PPFIA2: variants seen among roughly 807,000 people sequenced by gnomAD.
PPFIA2 encodes PPFI scaffold protein A2.
A neutral mutation model predicts 175.5 loss-of-function variants in PPFIA2; 46 were observed. The observed-to-expected ratio is 0.26, with a 90% confidence interval of 0.21 to 0.34. The LOEUF is 0.34. Among genes scored for constraint, PPFIA2 ranks in the 10% least tolerant of loss-of-function variants. The probability of loss-of-function intolerance (pLI) is 1.00; values close to 1 mark genes in which losing one functional copy is unlikely to be tolerated. For missense variants in PPFIA2, 1,179 were observed against 1,506.1 expected, an observed-to-expected ratio of 0.78 and a Z score of 3.60; for synonymous variants, 568 against 511.4, an observed-to-expected ratio of 1.11 and a Z score of -1.49.
chr12:81,702,077 T>A (rs942536514), intron 3 of PPFIA2, among the ~76,000 whole-genome samples: 1 of 152,160 alleles, frequency 6.6e-6, no homozygotes, highest in Non-Finnish European at 1.5e-5. Context: ...CACTTGCTCC[T>A]AGCAGCTGGC....
At chr12:81,344,632 A>C (rs771844258) in intron 19 of PPFIA2, 32 bp downstream of exon 19, 1 of 1,478,942 alleles carries the variant, frequency 6.8e-7, no homozygotes, top group Non-Finnish European at 9.2e-7. Context: ...ACAGTATTCA[A>C]TTCGTAATGA....
At chr12:81,751,749 A>G (rs1286779897) in intron 3 of PPFIA2, among the ~76,000 whole-genome samples, 1 of 152,162 alleles carries the variant, frequency 6.6e-6, no homozygotes, top group Non-Finnish European at 1.5e-5. Context: ...GATACTCCAT[A>G]CAATTGAATA....
At chr12:81,405,674 A>C (rs1367383917) in intron 8 of PPFIA2, 113 bp downstream of exon 8, 10 of 626,992 alleles carry the variant, frequency 1.6e-5, no homozygotes, top group Non-Finnish European at 2.5e-5. Flanking sequence ...TGAACCTTTG[A>C]CCAAAGAATC....
At chr12:81,344,831 A>G in intron 18 of PPFIA2, 138 bp from the exon 19 acceptor site, 1 of 631,964 alleles carries the variant, frequency 1.6e-6, no homozygotes, top group Non-Finnish European at 2.7e-6. Flanking sequence ...AAATAAACAT[A>G]TTTTAATTAC....
At chr12:81,344,179 C>T (rs532516104) in intron 19 of PPFIA2, among the ~76,000 whole-genome samples, 16 of 152,128 alleles carry the variant, frequency 1.1e-4, no homozygotes, top group African/African-American at 2.9e-4. Flanking sequence ...TCCTGACTGA[C>T]GCTGGTGCTG....
chr12:81,624,871 TAC>T (rs2062509820), intron 4 of PPFIA2, among the ~76,000 whole-genome samples: 1 of 151,172 alleles, frequency 6.6e-6, no homozygotes, highest in Admixed American at 6.6e-5. Context: ...ACACATTAGG[TAC>T]AGTGTACACT....
At chr12:81,355,610 C>T (rs534345830) in intron 16 of PPFIA2, among the ~76,000 whole-genome samples, 22 of 152,308 alleles carry the variant, frequency 1.4e-4, no homozygotes, top group Non-Finnish European at 3.2e-4. Flanking sequence ...CATGAATTAT[C>T]GTAGCTAGAT....
intron 4 of PPFIA2, among the ~76,000 whole-genome samples, chr12:81,503,199 C>T (rs191722985): frequency 6.4e-4 from 98 of 152,218 alleles, no homozygotes; most frequent in African/African-American, 2.2e-3. Context: ...GTGGTAACAA[C>T]CTTCTAACTG....
rs1309262763 is a variant in PPFIA2 at position 81,591,462 on chromosome 12, T to C, written c.303+85329A>G. On this transcript the variant is annotated intron_variant, in intron 4 of 32. Transcript: ENST00000549396. The stretch of plus-strand genomic sequence containing the variant: ...TGAATGTTAATCCCCAAGACAATAG[T>C]GAAAATGTCTCCAGGGCATGTCAGA... 2.0e-5 allele frequency among the ~76,000 whole-genome samples: 3 copies of C among 152,238 alleles called. No individual in the cohort carries two copies. In the East Asian group the frequency reaches 5.8e-4, roughly 29 times the overall value.
At chr12:81,550,841 A>G (rs2067799930) in intron 4 of PPFIA2, among the ~76,000 whole-genome samples, 1 of 151,866 alleles carries the variant, frequency 6.6e-6, no homozygotes, top group African/African-American at 2.4e-5. Flanking sequence ...TCTATATTTA[A>G]TGGCTAAAAA....
chr12:81,514,311 C>T (rs2147881315), intron 4 of PPFIA2, among the ~76,000 whole-genome samples: 1 of 151,908 alleles, frequency 6.6e-6, no homozygotes, highest in South Asian at 2.1e-4. Flanking sequence ...TTCTTTTATT[C>T]TAAAAGAAAA....
intron 4 of PPFIA2, among the ~76,000 whole-genome samples, chr12:81,564,910 G>A (rs1367071870): frequency 2.0e-5 from 3 of 152,120 alleles, no homozygotes; most frequent in South Asian, 4.1e-4. Context: ...ACAGACACAA[G>A]CTCTTATCAT....
intron 4 of PPFIA2, among the ~76,000 whole-genome samples, chr12:81,588,842 G>A (rs1481619830): frequency 1.3e-5 from 2 of 151,798 alleles, no homozygotes; most frequent in African/African-American, 4.8e-5. Flanking sequence ...CTAACCACCT[G>A]GACTGTACTC....
chr12:81,607,415 T>C (rs2060445592), intron 4 of PPFIA2, among the ~76,000 whole-genome samples: 1 of 152,148 alleles, frequency 6.6e-6, no homozygotes, highest in African/African-American at 2.4e-5. Context: ...ATGATATTGG[T>C]CCTACAATCC....
rs1011646096 is a variant in PPFIA2, at chr12:81,750,417, G to A, written c.249+3556C>T. On this transcript the variant is annotated intron_variant, in intron 3 of 32. Transcript: ENST00000549396. ...CCCACTGAGGACTGAATTTAGAGAA[G>A]GAAGAAAGCACCAACTATAAGGACC... 2.9e-4 allele frequency among the ~76,000 whole-genome samples: 41 copies of A among 142,970 alleles called. 4 individuals are homozygous for A. Among genetic ancestry groups the A allele is most frequent in the Non-Finnish European group, 6.3e-4 (40 of 63,868 alleles). The allele number at this position is 142,970 out of a possible 152,430, so 93.8% of individuals were successfully genotyped here.
intron 7 of PPFIA2, among the ~76,000 whole-genome samples, chr12:81,413,856 C>T (rs1167689028): frequency 6.6e-6 from 1 of 151,670 alleles, no homozygotes. Context: ...ATTTAGTATT[C>T]ACTTCATTTT....
intron 24 of PPFIA2, among the ~76,000 whole-genome samples, chr12:81,287,184 G>T (rs955930145): frequency 6.6e-6 from 1 of 151,770 alleles, no homozygotes; most frequent in Non-Finnish European, 1.5e-5. Flanking sequence ...ATCTTAAATG[G>T]CTTAAGCTTG....
intron 6 of PPFIA2, among the ~76,000 whole-genome samples, chr12:81,442,004 AGGT>A (rs2050263124): frequency 6.6e-6 from 1 of 152,118 alleles, no homozygotes; most frequent in Non-Finnish European, 1.5e-5. Context: ...GCTACATGGT[AGGT>A]TAATATATCT....
At chr12:81,672,490 A>G (rs2071608756) in intron 4 of PPFIA2, among the ~76,000 whole-genome samples, 1 of 151,980 alleles carries the variant, frequency 6.6e-6, no homozygotes, top group South Asian at 2.1e-4. Context: ...CAGTGGGGAA[A>G]AAAAACCTAA....
Sources: allele counts gnomAD v4.1 joint callset (sites outside exome capture counted in the v4.1 genomes callset), GRCh38; gene constraint gnomAD v4.1.1; transcripts MANE v1.5; gene names NCBI Gene and HGNC (gene_info 2026-07-23, HGNC 2026-07-21).